PIGU: variants seen among roughly 807,000 people sequenced by gnomAD.
PIGU encodes the protein GPI-anchor transamidase component PIGU.
A neutral mutation model predicts 49.9 loss-of-function variants in PIGU; 24 were observed. The ratio of observed to expected loss-of-function variants is 0.48; its 90% CI spans 0.35 to 0.68. PIGU has a LOEUF of 0.68. Among genes scored for constraint, PIGU ranks in the 30% least tolerant of loss-of-function variants. The pLI, the probability that PIGU is intolerant of heterozygous loss-of-function variation, is 0.01. For missense variants in PIGU, 490 were observed against 532.6 expected, an observed-to-expected ratio of 0.92 and a Z score of 0.79; for synonymous variants, 220 against 205.7, an observed-to-expected ratio of 1.07 and a Z score of -0.59.
intron 7 of PIGU, among the ~76,000 whole-genome samples, chr20:34,591,015 C>T (rs1032351301): frequency 7.9e-5 from 9 of 113,924 alleles, no homozygotes; most frequent in African/African-American, 1.3e-4. Flanking sequence ...AGCGAGACTC[C>T]GTCTCGAAAA....
At chr20:34,595,023 C>T (rs1172149975) in intron 7 of PIGU, among the ~76,000 whole-genome samples, 7 of 128,838 alleles carry the variant, frequency 5.4e-5, no homozygotes, top group South Asian at 2.7e-4. Context: ...ACCCAGGAGG[C>T]GGACGGAGCT....
At chr20:34,641,439 A>G (rs1463888243) in intron 4 of PIGU, among the ~76,000 whole-genome samples, 1 of 152,212 alleles carries the variant, frequency 6.6e-6, no homozygotes, top group African/African-American at 2.4e-5. Context: ...AACCACCTGC[A>G]GCTCTCTTAA....
chr20:34,563,410 A>C (rs1443806757), intron 11 of PIGU, among the ~76,000 whole-genome samples: 1 of 151,222 alleles, frequency 6.6e-6, no homozygotes, highest in East Asian at 1.9e-4. Context: ...TCTACTAAAA[A>C]TACAAAATTA....
chr20:34,646,439 C>T (rs1312371965), intron 2 of PIGU, among the ~76,000 whole-genome samples: 4 of 152,164 alleles, frequency 2.6e-5, no homozygotes, highest in African/African-American at 7.2e-5. Flanking sequence ...GATGGAGTCT[C>T]GCTCTGTCAC....
rs148689428 is a variant in PIGU, at chr20:34,581,016, C to G, written c.1051+532G>C. Among the ~76,000 whole-genome samples the G allele has an allele frequency of 4.6e-3, 695 of 152,278 alleles. 5 individuals carry two copies. Among genetic ancestry groups the G allele is most frequent in the African/African-American group, 0.016 (660 of 41,544 alleles). The stretch of plus-strand genomic sequence containing the variant: ...TCTGCTGTCTAGTATGGTAGCCTAG[C>G]TACATGTGGCTTCTGAAATTTAAAT... On this transcript the variant is annotated intron_variant, in intron 10 of 11. Coordinates refer to ENST00000217446, the MANE Select transcript of PIGU (RefSeq NM_080476.5).
intron 6 of PIGU, 91 bp from the exon 7 acceptor site, chr20:34,616,230 CT>C: frequency 7.1e-7 from 1 of 1,405,286 alleles, no homozygotes; most frequent in Non-Finnish European, 9.6e-7. Context: ...CTTTCCATAA[CT>C]GCTCAAATAA....
chr20:34,631,781 A>T (rs1260121613), intron 6 of PIGU, among the ~76,000 whole-genome samples: 16 of 2,024 alleles, frequency 7.9e-3, no homozygotes, highest in Non-Finnish European at 0.012. Flanking sequence ...ATATATATAT[A>T]TATATTTTTT....
At chr20:34,600,568 G>A (rs892914029) in intron 7 of PIGU, among the ~76,000 whole-genome samples, 9 of 150,814 alleles carry the variant, frequency 6.0e-5, no homozygotes, top group Non-Finnish European at 1.2e-4. Flanking sequence ...ATTTAGCAAA[G>A]AAGGGAGGAA....
intron 2 of PIGU, among the ~76,000 whole-genome samples, chr20:34,656,681 G>A (rs1328083918): frequency 2.7e-5 from 4 of 150,826 alleles, no homozygotes; most frequent in South Asian, 2.1e-4. Context: ...TAGGAGGATC[G>A]CTTGAGCCCA....
chr20:34,650,511 T>C (rs1986498941), intron 2 of PIGU, among the ~76,000 whole-genome samples: 2 of 151,740 alleles, frequency 1.3e-5, no homozygotes, highest in South Asian at 4.2e-4. Context: ...TCAAGTGATC[T>C]GCCCATCTTG....
chr20:34,606,148 G>A (rs1322028942), intron 7 of PIGU, among the ~76,000 whole-genome samples: 1 of 151,708 alleles, frequency 6.6e-6, no homozygotes, highest in Admixed American at 6.6e-5. Context: ...CCAGCTACTT[G>A]GGAGGCTGAG....
In PIGU at chr20:34,657,184, T is replaced by A; in HGVS notation, c.191A>T (p.His64Leu). Residue 64 changes from histidine (H) to leucine (L), a missense_variant, in exon 2 of 12, where the codon CAT becomes CTT. His to Leu is a moderately conservative substitution (Grantham distance 99). Coordinates refer to ENST00000217446, the MANE Select transcript of PIGU (RefSeq NM_080476.5). The stretch of plus-strand genomic sequence containing the variant: ...AAAGAAAATAAGAACACTTACTTCA[T>A]GAAATACTGCTCCAGAATACGGAGA... Reference protein sequence around the residue: ...GVSPYSGAVFHETPLIIYLFH... With the variant: ...GVSPYSGAVFLETPLIIYLFH... The A allele has an allele frequency of 6.2e-7, 1 of 1,609,744 alleles. No homozygotes were observed. The highest frequency in any genetic ancestry group is 8.5e-7 in the Non-Finnish European group (1 of 1,176,184).
At chr20:34,584,179 G>C (rs544886089) in intron 9 of PIGU, among the ~76,000 whole-genome samples, 2 of 152,084 alleles carry the variant, frequency 1.3e-5, no homozygotes, top group African/African-American at 4.8e-5. Context: ...TCTGAGCATC[G>C]ATTTCCTCAA....
chr20:34,569,947 A>C (rs1982936121), intron 11 of PIGU, among the ~76,000 whole-genome samples: 1 of 152,210 alleles, frequency 6.6e-6, no homozygotes, highest in Non-Finnish European at 1.5e-5. Flanking sequence ...TTCACAGCTT[A>C]GTGAGTTTGG....
intron 1 of PIGU, among the ~76,000 whole-genome samples, chr20:34,670,192 C>CTTT (rs11476375): frequency 1.6e-4 from 22 of 137,432 alleles, no homozygotes; most frequent in South Asian, 7.0e-4. Flanking sequence ...GTAATAACGG[C>CTTT]TTTTTTTTTT....
intron 1 of PIGU, among the ~76,000 whole-genome samples, chr20:34,668,679 G>A (rs1395887946): frequency 6.6e-6 from 1 of 150,436 alleles, no homozygotes; most frequent in Non-Finnish European, 1.5e-5. Flanking sequence ...TGAGGCAGGA[G>A]AATGGCATGA....
At chr20:34,641,298 A>C (rs2146767517) in intron 4 of PIGU, among the ~76,000 whole-genome samples, 1 of 152,234 alleles carries the variant, frequency 6.6e-6, no homozygotes, top group East Asian at 1.9e-4. Flanking sequence ...GGGGAGAGGA[A>C]ACACTCCACC....
At chr20:34,605,161 C>A (rs1984569383) in intron 7 of PIGU, among the ~76,000 whole-genome samples, 1 of 152,184 alleles carries the variant, frequency 6.6e-6, no homozygotes, top group South Asian at 2.1e-4. Context: ...AAACCTCTCT[C>A]TAATTTGGAA....
intron 11 of PIGU, chr20:34,562,418 G>A: frequency 7.8e-7 from 1 of 1,286,946 alleles, no homozygotes; most frequent in East Asian, 5.6e-5. Context: ...ACCCTGTCCT[G>A]GGCAGCTTCT....
Sources: gnomAD v4.1 joint callset for allele counts (sites outside exome capture counted in the v4.1 genomes callset) on GRCh38, gnomAD v4.1.1 for gene constraint, MANE v1.5 for transcripts, NCBI Gene and HGNC (gene_info 2026-07-23, HGNC 2026-07-21) for gene names.